The following HTR2C variants were observed in gnomAD, a reference collection of about 807,000 sequenced individuals.
The protein encoded by HTR2C is 5-hydroxytryptamine receptor 2C.
In HTR2C, 5 loss-of-function variants were observed where a neutral mutation model predicts 21.0. That is an observed-to-expected ratio of 0.24 (90% CI 0.12 to 0.50). HTR2C has a LOEUF of 0.50. Ranked by LOEUF, HTR2C falls within the 20% of genes least tolerant of loss-of-function variation. The pLI is 0.98. For synonymous variants in HTR2C, 150 were observed against 145.3 expected (o/e 1.03, Z -0.23); for missense variants, 271 against 371.2 (o/e 0.73, Z 2.22).
chrX:114,897,554 C>T (rs1013351841), intron 5 of HTR2C, among the ~76,000 whole-genome samples: 6 of 111,460 alleles, frequency 5.4e-5, no homozygotes, highest in Non-Finnish European at 9.4e-5. Context: ...TCCTAATGCC[C>T]TCCGTCCTCA....
chrX:114,722,580 C>T (rs1282568163), intron 2 of HTR2C, among the ~76,000 whole-genome samples: 1 of 109,070 alleles, frequency 9.2e-6, no homozygotes, highest in Non-Finnish European at 1.9e-5. Context: ...AGAGGGCATC[C>T]CTGTCTTGTG....
At chrX:114,901,955 G>A (rs2071340256) in intron 5 of HTR2C, among the ~76,000 whole-genome samples, 1 of 111,026 alleles carries the variant, frequency 9.0e-6, no homozygotes, top group South Asian at 3.7e-4. Flanking sequence ...CTCAGTAAAA[G>A]GTAGTTATTA....
chrX:114,696,465 T>A (rs983516934), intron 2 of HTR2C, among the ~76,000 whole-genome samples: 1 of 111,158 alleles, frequency 9.0e-6, no homozygotes, highest in Non-Finnish European at 1.9e-5. Flanking sequence ...CTACTTAAAA[T>A]CACGAAATTA....
At chrX:114,678,509 G>A (rs781852148) in intron 2 of HTR2C, among the ~76,000 whole-genome samples, 1 of 111,480 alleles carries the variant, frequency 9.0e-6, no homozygotes, top group Non-Finnish European at 1.9e-5. Context: ...CTCTAGTGAT[G>A]CAGTGGCAGA....
chrX:114,779,173 C>T (rs1297573597), intron 4 of HTR2C, among the ~76,000 whole-genome samples: 3 of 110,882 alleles, frequency 2.7e-5, no homozygotes, highest in African/African-American at 3.3e-5. Flanking sequence ...ACAGTGGAAG[C>T]GCAGGCAGTT....
At chrX:114,899,816 C>G (rs1556484884) in intron 5 of HTR2C, among the ~76,000 whole-genome samples, 1 of 108,835 alleles carries the variant, frequency 9.2e-6, no homozygotes, top group African/African-American at 3.5e-5. Context: ...TCTAATCAAC[C>G]ATCTTGGTCC....
intron 4 of HTR2C, among the ~76,000 whole-genome samples, chrX:114,732,248 T>C (rs1303942190): frequency 2.7e-5 from 3 of 112,274 alleles, no homozygotes; most frequent in Non-Finnish European, 5.6e-5. Context: ...CTTTTGATTT[T>C]CTTCCATCCC....
At chrX:114,675,761 CTT>C (rs1178592989) in intron 2 of HTR2C, among the ~76,000 whole-genome samples, 21 of 111,682 alleles carry the variant, frequency 1.9e-4, no homozygotes, top group Non-Finnish European at 3.2e-4. Context: ...GCCCTGACAT[CTT>C]GTTTCATTAA....
In HTR2C at chrX:114,633,947, T is replaced by TATATATAGAGAGAG. The variant is rs201763901; in HGVS notation, c.-80+20067_-80+20068insTATATAGAGAGAGA. On this transcript the variant is annotated intron_variant, in intron 2 of 5. Coordinates refer to ENST00000276198, the MANE Select transcript of HTR2C (RefSeq NM_000868.4). ...ATATGCATGTGTATATATATATATA[T>TATATATAGAGAGAG]AGAGAGAGAGAGAGAGATGGTAGGT... Among the ~76,000 whole-genome samples, 298 of 92,153 alleles carry TATATATAGAGAGAG rather than the reference T, an allele frequency of 3.2e-3. 2 individuals carry two copies. Among genetic ancestry groups the TATATATAGAGAGAG allele is most frequent in the East Asian group, 0.014 (37 of 2,737 alleles). The allele number at this position is 92,153 out of a possible 115,157, so 80.0% of individuals were successfully genotyped here.
intron 2 of HTR2C, among the ~76,000 whole-genome samples, chrX:114,687,757 G>A (rs781936967): frequency 3.6e-5 from 4 of 111,142 alleles, no homozygotes; most frequent in Non-Finnish European, 3.8e-5. Context: ...CTTAACCAAC[G>A]GTCTCTTAAT....
At chrX:114,736,129 A>G (rs1222195150) in intron 4 of HTR2C, among the ~76,000 whole-genome samples, 1 of 111,008 alleles carries the variant, frequency 9.0e-6, no homozygotes. Context: ...AAAAAAGAGA[A>G]AAGAAAACAT....
Position 114,907,381 on chromosome X carries a change from C to T in HTR2C, c.1343C>T (p.Ser448Phe). 4.1e-6 allele frequency: 5 copies of T among 1,208,737 alleles called. No individual in the cohort carries two copies. The highest frequency in any genetic ancestry group is 5.6e-6 in the Non-Finnish European group (5 of 892,890). The change falls in exon 6 of 6, where the codon TCC (serine) becomes TTC (phenylalanine). Residue 448 changes from serine (S) to phenylalanine (F), a missense_variant. Ser to Phe is a radical substitution (Grantham distance 155, BLOSUM62 -2). This residue lies in a region of HTR2C where 192 missense variants were observed against 247.2 expected (regional missense o/e 0.78). Coordinates refer to ENST00000276198, the MANE Select transcript of HTR2C (RefSeq NM_000868.4). ...AATTTAGAGTTACCAGTAAATCCCTCCAGTGTGGTTAGCGAAAGGATTAGC... is the reference window on the plus strand; with the variant it reads ...AATTTAGAGTTACCAGTAAATCCCTTCAGTGTGGTTAGCGAAAGGATTAGC... ...VENLELPVNP[S>F]SVVSERISSV
chrX:114,757,595 A>G (rs1030664154), intron 4 of HTR2C, among the ~76,000 whole-genome samples: 1 of 111,739 alleles, frequency 8.9e-6, no homozygotes, highest in African/African-American at 3.2e-5. Context: ...TTGAAATTCT[A>G]TAGTGATAGT....
intron 4 of HTR2C, among the ~76,000 whole-genome samples, chrX:114,835,752 A>G (rs2070775394): frequency 8.9e-6 from 1 of 111,997 alleles, no homozygotes; most frequent in Admixed American, 9.4e-5. Context: ...CTGGTGAGGA[A>G]CTGCGTTCCT....
intron 2 of HTR2C, among the ~76,000 whole-genome samples, chrX:114,695,099 G>A (rs1444406105): frequency 1.8e-5 from 2 of 111,651 alleles, no homozygotes; most frequent in Admixed American, 9.5e-5. Context: ...AATTTGTCAC[G>A]CAAACCGATT....
chrX:114,618,917 T>C (rs1224045891), intron 2 of HTR2C, among the ~76,000 whole-genome samples: 1 of 111,287 alleles, frequency 9.0e-6, no homozygotes, highest in Non-Finnish European at 1.9e-5. Flanking sequence ...TTAGAGATGC[T>C]AATAAACTAA....
At chrX:114,606,397 C>T (rs781889623) in intron 1 of HTR2C, among the ~76,000 whole-genome samples, 1 of 111,784 alleles carries the variant, frequency 8.9e-6, no homozygotes, top group South Asian at 3.8e-4. Flanking sequence ...TGGTCTGACA[C>T]CCTTGAAACG....
intron 2 of HTR2C, among the ~76,000 whole-genome samples, chrX:114,631,380 T>C (rs782451883): frequency 9.0e-6 from 1 of 111,685 alleles, no homozygotes; most frequent in East Asian, 2.8e-4. Flanking sequence ...TCCTCGCTAT[T>C]ACATTATCAT....
intron 5 of HTR2C, among the ~76,000 whole-genome samples, chrX:114,870,133 G>A (rs186170934): frequency 1.4e-3 from 149 of 107,842 alleles, no homozygotes; most frequent in Middle Eastern, 4.8e-3. Context: ...TGTTGCCCAG[G>A]CTGCAATGCA....
Sources: allele counts gnomAD v4.1 joint callset (sites outside exome capture counted in the v4.1 genomes callset), GRCh38; gene constraint gnomAD v4.1.1; regional missense constraint gnomAD v4.1.1; transcripts MANE v1.5; gene names NCBI Gene and HGNC (gene_info 2026-07-23, HGNC 2026-07-21).